The following ASH2L variants were observed in gnomAD, a reference collection of about 807,000 sequenced individuals.
The protein encoded by ASH2L is ASH2 like, histone lysine methyltransferase complex subunit.
ASH2L carries 30 observed loss-of-function variants against 81.1 expected under a neutral mutation model. The ratio of observed to expected loss-of-function variants is 0.37; its 90% CI spans 0.28 to 0.50. The LOEUF is 0.50. Ranked by LOEUF, ASH2L falls within the 20% of genes least tolerant of loss-of-function variation. The probability of loss-of-function intolerance (pLI) is 0.95; values close to 1 mark genes in which losing one functional copy is unlikely to be tolerated. For missense variants in ASH2L, 559 were observed against 792.1 expected (o/e 0.71, Z 3.53); for synonymous variants, 273 against 279.9 (o/e 0.98, Z 0.24).
At chr8:38,127,643 T>C (rs1338540941) in intron 10 of ASH2L, among the ~76,000 whole-genome samples, 2 of 147,506 alleles carry the variant, frequency 1.4e-5, no homozygotes, top group Non-Finnish European at 3.0e-5. Context: ...CTACTCAGGC[T>C]GAGGCAGGAG....
intron 3 of ASH2L, among the ~76,000 whole-genome samples, chr8:38,107,622 A>G (rs573236814): frequency 6.6e-6 from 1 of 151,732 alleles, no homozygotes; most frequent in South Asian, 2.1e-4. Context: ...TATATTGTCT[A>G]CTCTCCTCAG....
chr8:38,107,378 G>A (rs1005083161), intron 3 of ASH2L, among the ~76,000 whole-genome samples: 7 of 152,034 alleles, frequency 4.6e-5, no homozygotes, highest in African/African-American at 7.3e-5. Flanking sequence ...ACAATGGTGG[G>A]TATTGCCCCT....
At chr8:38,127,510 G>A (rs988258003) in intron 10 of ASH2L, among the ~76,000 whole-genome samples, 1 of 152,024 alleles carries the variant, frequency 6.6e-6, no homozygotes, top group Non-Finnish European at 1.5e-5. Context: ...ACTTTGGGAG[G>A]TCAGTGCAGG....
chr8:38,108,202 G>A (rs57744319), intron 3 of ASH2L, among the ~76,000 whole-genome samples: 2,348 of 152,166 alleles, frequency 0.015, 58 homozygotes, highest in African/African-American at 0.054. Context: ...AGGAAAGAGT[G>A]TTTTTAAAAA....
chr8:38,122,048 G>T (rs1301634915), intron 10 of ASH2L, among the ~76,000 whole-genome samples: 1 of 151,988 alleles, frequency 6.6e-6, no homozygotes, highest in Admixed American at 6.6e-5. Flanking sequence ...GATGATTTTC[G>T]ATTTCCTCTT....
In ASH2L at chr8:38,106,181, C is replaced by T. The variant is rs1367585297; in HGVS notation, c.189-197C>T. 4 of 1,515,684 alleles carry T rather than the reference C, an allele frequency of 2.6e-6. No individual in the cohort carries two copies. In the South Asian group the frequency reaches 4.8e-5, roughly 18 times the overall value. 93.9% of individuals were successfully genotyped at this position (1,515,684 alleles called of 1,614,324 possible). Reference sequence around the variant, plus strand: ...AGGCCGGTTAGGCTTCCCTGTGCTCCGTGGGTCCGCGACTGTCTGACATGT... The same window carrying T: ...AGGCCGGTTAGGCTTCCCTGTGCTCTGTGGGTCCGCGACTGTCTGACATGT... On this transcript the variant is annotated intron_variant, in intron 1 of 15. Coordinates refer to ENST00000343823, the MANE Select transcript of ASH2L (RefSeq NM_004674.5).
upstream of ASH2L, chr8:38,105,500 A>C: frequency 6.8e-7 from 1 of 1,477,356 alleles, no homozygotes; most frequent in Non-Finnish European, 9.0e-7. Context: ...TCACACAGCA[A>C]CGCGCGCGAG....
chr8:38,106,039 C>G (rs1158392579), intron 1 of ASH2L: 2 of 1,527,486 alleles, frequency 1.3e-6, no homozygotes, highest in Non-Finnish European at 1.8e-6. Context: ...AGAAAAGAAA[C>G]CACTTTGCAG....
chr8:38,123,614 T>C (rs897393525), intron 10 of ASH2L, among the ~76,000 whole-genome samples: 2 of 152,156 alleles, frequency 1.3e-5, no homozygotes, highest in African/African-American at 4.8e-5. Context: ...TTTGTGTGTA[T>C]GTATGTTTGG....
intron 4 of ASH2L, 61 bp downstream of exon 4, chr8:38,110,528 G>A: frequency 6.7e-7 from 1 of 1,501,164 alleles, no homozygotes; most frequent in Non-Finnish European, 9.3e-7. Context: ...AAGGGATCTG[G>A]GCGTAGCAGA....
At chr8:38,120,198 T>G (rs1361247978) in intron 9 of ASH2L, among the ~76,000 whole-genome samples, 1 of 152,178 alleles carries the variant, frequency 6.6e-6, no homozygotes, top group Non-Finnish European at 1.5e-5. Flanking sequence ...AGTACAAAAT[T>G]TATAGTAGTA....
intron 7 of ASH2L, 83 bp from the exon 8 acceptor site, chr8:38,116,567 C>G: frequency 1.8e-6 from 2 of 1,081,332 alleles, no homozygotes; most frequent in East Asian, 2.4e-5. Flanking sequence ...AGTTCCCATT[C>G]TGTTAGAATT....
rs1810835406 is a variant in ASH2L, at chr8:38,114,956, A to G, written c.733A>G (p.Lys245Glu). The G allele has an allele frequency of 6.2e-7, 1 of 1,612,992 alleles. No individual in the cohort carries two copies. ...AAAGGAACACCCAGATCCAGGCAGT[A>G]AAGATCCAGAAGAAGATTACCCCAA... The part of the protein sequence containing the change: ...LVKEHPDPGS[K>E]DPEEDYPKFG... The change falls in exon 7 of 16, where the codon AAA (lysine) becomes GAA (glutamate). Residue 245 changes from lysine (K) to glutamate (E), a missense_variant. By Grantham distance (56) the Lys-to-Glu change is moderately conservative. Transcript: ENST00000343823.
chr8:38,129,039 C>CCTG, intron 12 of ASH2L, 88 bp downstream of exon 12: 1 of 1,517,508 alleles, frequency 6.6e-7, no homozygotes, highest in Admixed American at 2.4e-5. Context: ...CTCTTAGGAA[C>CCTG]TGAGCCACAG....
chr8:38,105,976 C>G (rs1002280733), intron 1 of ASH2L: 3 of 1,528,742 alleles, frequency 2.0e-6, no homozygotes, highest in East Asian at 2.5e-5. Flanking sequence ...GATCCTTGCA[C>G]CCTGGCAGGA....
rs1188787801 is a variant in ASH2L, at chr8:38,139,048, C to T, written c.1864C>T (p.Arg622Cys). 1 of 1,601,290 alleles carries T rather than the reference C, an allele frequency of 6.2e-7. No homozygotes were observed. The highest frequency in any genetic ancestry group is 8.5e-7 in the Non-Finnish European group (1 of 1,173,744). The change falls in exon 16 of 16, where the codon CGC (arginine) becomes TGC (cysteine). Residue 622 changes from arginine to cysteine, a missense_variant. By Grantham distance (180) the Arg-to-Cys change is radical. This residue lies in a region of ASH2L where 95 missense variants were observed against 130.7 expected (regional missense o/e 0.73). Coordinates refer to ENST00000343823, the MANE Select transcript of ASH2L (RefSeq NM_004674.5). Reference sequence around the variant, plus strand: ...CGTGGAGACAGAAGTGGATGGGAGGCGCAGTCCCCCATGGGAACCCTGACC... The same window carrying T: ...CGTGGAGACAGAAGTGGATGGGAGGTGCAGTCCCCCATGGGAACCCTGACC... Reference protein sequence around the residue: ...YHVETEVDGRRSPPWEP With the variant: ...YHVETEVDGRCSPPWEP
In ASH2L at chr8:38,128,963, C is replaced by A; in HGVS notation, c.1527+12C>A. 1 of 1,605,842 alleles carries A rather than the reference C, an allele frequency of 6.2e-7. No individual in the cohort carries two copies. The highest frequency in any genetic ancestry group is 1.7e-5 in the Admixed American group (1 of 58,052). On this transcript the variant is annotated intron_variant, in intron 12 of 15. Coordinates refer to ENST00000343823, the MANE Select transcript of ASH2L (RefSeq NM_004674.5). ...CATACAAAGATAAGGTGAGTTTGTC[C>A]TCTCCCGGCAGATTCCTGGCTTTGA...
intron 10 of ASH2L, among the ~76,000 whole-genome samples, chr8:38,128,036 A>T (rs1335333259): frequency 1.2e-5 from 1 of 81,446 alleles, no homozygotes; most frequent in Non-Finnish European, 2.8e-5. Flanking sequence ...ACAGAGCGGG[A>T]CTCCATCTCA....
At chr8:38,114,134 C>A in intron 5 of ASH2L, 58 bp from the exon 6 acceptor site, 1 of 1,069,806 alleles carries the variant, frequency 9.3e-7, no homozygotes, top group Non-Finnish European at 1.4e-6. Flanking sequence ...TGTTTTCTTT[C>A]TTTGTCAGCA....
Sources: gnomAD v4.1 joint callset for allele counts (sites outside exome capture counted in the v4.1 genomes callset) on GRCh38, gnomAD v4.1.1 for gene constraint, gnomAD v4.1.1 regional missense constraint, MANE v1.5 for transcripts, NCBI Gene and HGNC (gene_info 2026-07-23, HGNC 2026-07-21) for gene names.